The following ADD3 variants were observed in gnomAD, a reference collection of about 807,000 sequenced individuals.
ADD3 encodes gamma-adducin.
A neutral mutation model predicts 80.2 loss-of-function variants in ADD3; 25 were observed. That is an observed-to-expected ratio of 0.31 (90% CI 0.23 to 0.44). The LOEUF (loss-of-function observed/expected upper bound fraction) is 0.44. Among genes scored for constraint, ADD3 ranks in the 20% least tolerant of loss-of-function variants. The probability of loss-of-function intolerance (pLI) is 1.00; values close to 1 mark genes in which losing one functional copy is unlikely to be tolerated. For synonymous variants in ADD3, 284 were observed against 289.6 expected (o/e 0.98, Z 0.20); for missense variants, 829 against 847.5 (o/e 0.98, Z 0.27).
At chr10:110,069,720 G>A (rs1844439467) in intron 1 of ADD3, among the ~76,000 whole-genome samples, 1 of 152,176 alleles carries the variant, frequency 6.6e-6, no homozygotes, top group Non-Finnish European at 1.5e-5. Flanking sequence ...TCATGGTGAT[G>A]TGGTGTCAGA....
At chr10:110,016,416 G>C (rs1321760772) in intron 1 of ADD3, 1 of 152,220 alleles carries the variant, frequency 6.6e-6, no homozygotes, top group African/African-American at 2.4e-5. Flanking sequence ...CATGGGAAAA[G>C]AGAAACCTGA....
intron 12 of ADD3, among the ~76,000 whole-genome samples, chr10:110,127,783 A>G (rs1306277404): frequency 6.6e-6 from 1 of 152,182 alleles, no homozygotes; most frequent in Non-Finnish European, 1.5e-5. Flanking sequence ...CTGCTGATCT[A>G]TATTGTATTC....
intron 5 of ADD3, among the ~76,000 whole-genome samples, chr10:110,118,205 C>A (rs1436984459): frequency 6.6e-6 from 1 of 152,190 alleles, no homozygotes; most frequent in Non-Finnish European, 1.5e-5. Context: ...TACCTTGGTT[C>A]TGGGTGCTTG....
chr10:110,024,571 T>C (rs1261084353), intron 1 of ADD3, among the ~76,000 whole-genome samples: 1 of 152,238 alleles, frequency 6.6e-6, no homozygotes, highest in African/African-American at 2.4e-5. Context: ...ATAGTGATTT[T>C]ATAAATGGGT....
At chr10:110,132,072 C>G (rs894711059) in intron 13 of ADD3, among the ~76,000 whole-genome samples, 1 of 152,196 alleles carries the variant, frequency 6.6e-6, no homozygotes, top group Non-Finnish European at 1.5e-5. Context: ...AGCTGTGCAT[C>G]TTTTGTAACC....
At position 110,046,765 on chromosome 10, in the gene ADD3, A is replaced by G. The variant is rs115272717; in HGVS notation, c.-30+38466A>G. ...ACGATAAATATGTAAATCACTTAGC[A>G]TGATGCCTTGTACATAATAGTTGCT... On this transcript the variant is annotated intron_variant, in intron 1 of 14. Transcript: ENST00000356080. Among the ~76,000 whole-genome samples, 1,172 of 152,356 alleles carry G rather than the reference A, an allele frequency of 7.7e-3. 18 individuals are homozygous for G. The highest frequency in any genetic ancestry group is 0.027 in the African/African-American group (1,119 of 41,600).
intron 1 of ADD3, among the ~76,000 whole-genome samples, chr10:110,063,780 T>TATATATAAATATAAATAA (rs1554927136): frequency 3.6e-5 from 4 of 112,578 alleles, no homozygotes; most frequent in African/African-American, 1.4e-4. Context: ...TATATATATA[T>TATATATAAATATAAATAA]ATAAAGTGAA....
intron 1 of ADD3, among the ~76,000 whole-genome samples, chr10:110,046,198 A>G (rs1589856734): frequency 6.6e-6 from 1 of 152,206 alleles, no homozygotes; most frequent in African/African-American, 2.4e-5. Context: ...TTGTAAACAG[A>G]TGACATAAAT....
intron 1 of ADD3, among the ~76,000 whole-genome samples, chr10:110,063,672 CAT>C (rs891133589): frequency 2.9e-5 from 4 of 137,928 alleles, no homozygotes; most frequent in Non-Finnish European, 6.2e-5. Context: ...GCAAGTTTAA[CAT>C]ATATATAGAA....
intron 1 of ADD3, among the ~76,000 whole-genome samples, chr10:110,054,683 G>A (rs531885040): frequency 3.4e-5 from 5 of 148,000 alleles, no homozygotes; most frequent in Non-Finnish European, 5.9e-5. Flanking sequence ...CACGATCTCC[G>A]CTCACTGCAA....
intron 1 of ADD3, among the ~76,000 whole-genome samples, chr10:110,050,280 G>A (rs998320387): frequency 1.3e-5 from 2 of 152,098 alleles, no homozygotes; most frequent in African/African-American, 4.8e-5. Flanking sequence ...ATTCCCATGT[G>A]CCGTAGGAGG....
chr10:110,010,356 G>T (rs1418096876), intron 1 of ADD3, among the ~76,000 whole-genome samples: 1 of 152,186 alleles, frequency 6.6e-6, no homozygotes, highest in Non-Finnish European at 1.5e-5. Flanking sequence ...ATGTATGCAT[G>T]TCATCAGAGT....
intron 8 of ADD3, among the ~76,000 whole-genome samples, chr10:110,120,656 T>A (rs1439903597): frequency 6.6e-6 from 1 of 152,084 alleles, no homozygotes; most frequent in Non-Finnish European, 1.5e-5. Flanking sequence ...CACACTGACT[T>A]CCACAATGGT....
At chr10:110,126,985 G>A (rs1383359954) in intron 12 of ADD3, among the ~76,000 whole-genome samples, 2 of 152,136 alleles carry the variant, frequency 1.3e-5, no homozygotes, top group Non-Finnish European at 2.9e-5. Context: ...AAAAAACACT[G>A]CCAATTATAA....
At chr10:110,017,051 G>A (rs1181842149) in intron 1 of ADD3, among the ~76,000 whole-genome samples, 1 of 152,148 alleles carries the variant, frequency 6.6e-6, no homozygotes, top group Non-Finnish European at 1.5e-5. Context: ...ACCTGCCAAG[G>A]ATCATTTTAA....
intron 1 of ADD3, among the ~76,000 whole-genome samples, chr10:110,010,833 T>C (rs1199228730): frequency 1.3e-5 from 2 of 152,200 alleles, no homozygotes; most frequent in Non-Finnish European, 2.9e-5. Flanking sequence ...TCATGGTAAT[T>C]ACTGCAAACC....
chr10:110,015,860 C>T (rs1364603302), intron 1 of ADD3, among the ~76,000 whole-genome samples: 1 of 152,112 alleles, frequency 6.6e-6, no homozygotes, highest in African/African-American at 2.4e-5. Flanking sequence ...GGTCACTAGC[C>T]ACAGAAAGGC....
At chr10:110,014,120 C>G (rs1335620533) in intron 1 of ADD3, among the ~76,000 whole-genome samples, 1 of 152,166 alleles carries the variant, frequency 6.6e-6, no homozygotes, top group African/African-American at 2.4e-5. Context: ...GTTAGGCTTA[C>G]TTGGTATATC....
At chr10:110,066,197 T>G (rs1240131649) in intron 1 of ADD3, among the ~76,000 whole-genome samples, 1 of 152,168 alleles carries the variant, frequency 6.6e-6, no homozygotes, top group East Asian at 1.9e-4. Flanking sequence ...CAAGGGAGAC[T>G]TTTTCCATTC....
Sources: gnomAD v4.1 joint callset for allele counts (sites outside exome capture counted in the v4.1 genomes callset) on GRCh38, gnomAD v4.1.1 for gene constraint, MANE v1.5 for transcripts, NCBI Gene and HGNC (gene_info 2026-07-23, HGNC 2026-07-21) for gene names.